The following TDP1 variants were observed in gnomAD, a reference collection of about 807,000 sequenced individuals.
TDP1 encodes tyrosyl-DNA phosphodiesterase 1, also known as tyr-DNA phosphodiesterase 1.
A neutral mutation model predicts 81.5 loss-of-function variants in TDP1; 64 were observed. The ratio of observed to expected loss-of-function variants is 0.79; its 90% CI spans 0.64 to 0.97. The LOEUF is 0.97. Ranked by LOEUF, TDP1 falls within the 50% of genes least tolerant of loss-of-function variation. TDP1 has a pLI of 0.00. For missense variants in TDP1, 723 were observed against 743.8 expected, an observed-to-expected ratio of 0.97 and a Z score of 0.33; for synonymous variants, 256 against 264.3, an observed-to-expected ratio of 0.97 and a Z score of 0.30.
intron 3 of TDP1, 82 bp downstream of exon 3, chr14:89,963,755 A>G: frequency 1.3e-6 from 2 of 1,507,550 alleles, no homozygotes; most frequent in Non-Finnish European, 1.8e-6. Context: ...GCAGCCTAGA[A>G]TAGTTTCTGA....
At chr14:89,967,004 A>G (rs1405317188) in intron 4 of TDP1, 1 of 985,000 alleles carries the variant, frequency 1.0e-6, no homozygotes, top group Non-Finnish European at 1.2e-6. Flanking sequence ...CTGTCTTTTT[A>G]TAATCACCTA....
chr14:89,989,638 AT>A, intron 11 of TDP1, 78 bp from the exon 12 acceptor site: 7 of 1,268,610 alleles, frequency 5.5e-6, no homozygotes, highest in Non-Finnish European at 7.9e-6. Context: ...ACAGATTTTC[AT>A]TTCCTTAAAA....
In TDP1 at chr14:89,984,625, G is replaced by C; in HGVS notation, c.994G>C (p.Ala332Pro). The C allele has an allele frequency of 6.2e-7, 1 of 1,614,092 alleles. No homozygotes were observed. Among genetic ancestry groups the C allele is most frequent in the Non-Finnish European group, 8.5e-7 (1 of 1,180,020 alleles). Residue 332 changes from alanine (A) to proline (P), a missense_variant, in exon 9 of 17, where the codon GCC becomes CCC. Coordinates refer to ENST00000335725, the MANE Select transcript of TDP1 (RefSeq NM_018319.4). ...CATCAGTTACTTGATGGCTTATAAT[G>C]CCCCTTCTCTCAAGGAGTGGATAGA... ...DLISYLMAYN[A>P]PSLKEWIDVI...
intron 14 of TDP1, among the ~76,000 whole-genome samples, chr14:90,010,536 A>G (rs1884579117): frequency 6.6e-6 from 1 of 152,186 alleles, no homozygotes; most frequent in Non-Finnish European, 1.5e-5. Flanking sequence ...AGGGCCCAGT[A>G]TAATCACAAA....
chr14:89,997,607 T>G (rs1421585747), intron 14 of TDP1, among the ~76,000 whole-genome samples: 1 of 152,202 alleles, frequency 6.6e-6, no homozygotes, highest in Non-Finnish European at 1.5e-5. Context: ...CGTAATCCTT[T>G]GCGACTTCCA....
intron 16 of TDP1, among the ~76,000 whole-genome samples, chr14:90,038,812 C>T (rs7144909): frequency 0.1 from 15,026 of 150,772 alleles, 1,706 homozygotes; most frequent in African/African-American, 0.28. Context: ...CACTTCAGCC[C>T]GGGTGACAGA....
chr14:89,962,623 G>T (rs35685293), intron 2 of TDP1, among the ~76,000 whole-genome samples: 1 of 152,028 alleles, frequency 6.6e-6, no homozygotes, highest in African/African-American at 2.4e-5. Context: ...CAGCACTTTG[G>T]AAGGCCAAGG....
chr14:90,031,177 A>T (rs1887241605), intron 15 of TDP1, among the ~76,000 whole-genome samples: 1 of 151,794 alleles, frequency 6.6e-6, no homozygotes, highest in Admixed American at 6.6e-5. Context: ...TTACATATGT[A>T]TACATGTGCC....
intron 6 of TDP1, among the ~76,000 whole-genome samples, chr14:89,971,876 A>AT (rs1177369753): frequency 6.6e-6 from 1 of 152,028 alleles, no homozygotes; most frequent in Non-Finnish European, 1.5e-5. Context: ...ATTAGCTGCC[A>AT]TTGACACTTC....
At chr14:90,002,397 T>G (rs926596784) in intron 14 of TDP1, among the ~76,000 whole-genome samples, 3 of 152,242 alleles carry the variant, frequency 2.0e-5, no homozygotes, top group African/African-American at 7.2e-5. Flanking sequence ...ATCCCAAGGA[T>G]GATGATAGAA....
chr14:90,027,705 G>C (rs79408411), intron 15 of TDP1, among the ~76,000 whole-genome samples: 8,316 of 152,222 alleles, frequency 0.055, 381 homozygotes, highest in African/African-American at 0.12. Context: ...AGAGGAGCTA[G>C]GATCCTGCTT....
At chr14:90,042,765 A>AT in intron 16 of TDP1, 1 of 499,496 alleles carries the variant, frequency 2.0e-6, no homozygotes, top group Non-Finnish European at 2.6e-6. Flanking sequence ...CGCCCCCATG[A>AT]TTCAATTACC....
chr14:90,014,315 C>T (rs568886350), intron 14 of TDP1, among the ~76,000 whole-genome samples: 41 of 152,238 alleles, frequency 2.7e-4, no homozygotes, highest in African/African-American at 9.1e-4. Flanking sequence ...TGTGAAATGT[C>T]TTTTCAATCC....
intron 5 of TDP1, among the ~76,000 whole-genome samples, chr14:89,970,179 A>G (rs1292324217): frequency 6.6e-6 from 1 of 152,222 alleles, no homozygotes; most frequent in Non-Finnish European, 1.5e-5. Flanking sequence ...CCTGGCCGAA[A>G]TATACTTATT....
At chr14:89,969,969 C>T (rs1378278341) in intron 5 of TDP1, among the ~76,000 whole-genome samples, 2 of 149,194 alleles carry the variant, frequency 1.3e-5, no homozygotes, top group African/African-American at 4.9e-5. Context: ...CTCCGCCTCC[C>T]GGGTTCACGC....
chr14:89,957,043 T>G (rs1365195149), intron 2 of TDP1: 1 of 152,284 alleles, frequency 6.6e-6, no homozygotes, highest in Non-Finnish European at 1.5e-5. Flanking sequence ...TCCTTTCTTA[T>G]GACCTCTTTC....
intron 13 of TDP1, 139 bp downstream of exon 13, chr14:89,992,122 A>G (rs1330778339): frequency 1.4e-6 from 1 of 715,196 alleles, no homozygotes; most frequent in Non-Finnish European, 2.2e-6. Flanking sequence ...TAGTGATAGA[A>G]ATAATTTAAA....
chr14:90,031,214 T>C (rs112332158), intron 15 of TDP1, among the ~76,000 whole-genome samples: 23,044 of 150,720 alleles, frequency 0.15, 3,900 homozygotes, highest in African/African-American at 0.42. Flanking sequence ...CCCATTAACT[T>C]GTCATTTAGC....
chr14:89,982,743 A>C (rs1031378814), intron 8 of TDP1, among the ~76,000 whole-genome samples: 5 of 152,130 alleles, frequency 3.3e-5, no homozygotes, highest in Non-Finnish European at 7.4e-5. Flanking sequence ...AGACTATGAA[A>C]TCTTCCTCTG....
Sources: allele counts gnomAD v4.1 joint callset (sites outside exome capture counted in the v4.1 genomes callset), GRCh38; gene constraint gnomAD v4.1.1; transcripts MANE v1.5; gene names NCBI Gene and HGNC (gene_info 2026-07-23, HGNC 2026-07-21).